CPSF3: variants seen among roughly 807,000 people sequenced by gnomAD.
CPSF3 encodes the protein cleavage and polyadenylation specific factor 3, also known as cleavage and polyadenylation specificity factor subunit 3.
Under a neutral mutation model 84.1 loss-of-function variants are expected in CPSF3, and 57 were observed. The observed-to-expected ratio is 0.68, with a 90% CI of 0.55 to 0.85. The LOEUF is 0.85. Among genes scored for constraint, CPSF3 ranks in the 40% least tolerant of loss-of-function variants. The pLI, the probability that CPSF3 is intolerant of heterozygous loss-of-function variation, is 0.00. For synonymous variants in CPSF3, 275 were observed against 278.1 expected (o/e 0.99, Z 0.11); for missense variants, 522 against 838.8 (o/e 0.62, Z 4.66).
chr2:9,462,648 G>A (rs917083995), intron 15 of CPSF3, among the ~76,000 whole-genome samples: 1 of 152,144 alleles, frequency 6.6e-6, no homozygotes, highest in East Asian at 1.9e-4. Flanking sequence ...GTCATAGGTT[G>A]GTTTGCCTTT....
chr2:9,428,187 G>A (rs1248255822), intron 1 of CPSF3, among the ~76,000 whole-genome samples: 1 of 149,380 alleles, frequency 6.7e-6, no homozygotes, highest in Non-Finnish European at 1.5e-5. Context: ...TAGTAGAGAC[G>A]GGGTTTCACC....
At chr2:9,460,155 T>A (rs1271151340) in intron 15 of CPSF3, among the ~76,000 whole-genome samples, 1 of 152,114 alleles carries the variant, frequency 6.6e-6, no homozygotes, top group East Asian at 1.9e-4. Flanking sequence ...TAAGATAAAA[T>A]CCTTTTAGAA....
chr2:9,436,820 C>T (rs1680801495), intron 7 of CPSF3, among the ~76,000 whole-genome samples: 1 of 125,116 alleles, frequency 8.0e-6, no homozygotes, highest in African/African-American at 3.0e-5. Flanking sequence ...AGGAATAGCC[C>T]AGGAAAACAG....
intron 11 of CPSF3, 24 bp downstream of exon 11, chr2:9,448,374 G>C (rs1681195242): frequency 6.4e-7 from 1 of 1,570,578 alleles, no homozygotes; most frequent in Non-Finnish European, 8.6e-7. Context: ...GTTCCTGTCT[G>C]TCCAATCCAT....
chr2:9,433,239 C>G (rs1302696918), intron 5 of CPSF3, among the ~76,000 whole-genome samples: 2 of 152,206 alleles, frequency 1.3e-5, no homozygotes, highest in African/African-American at 2.4e-5. Context: ...ACTTAGGGAG[C>G]TGCTGAAAAT....
chr2:9,439,004 A>C (rs947625431), intron 7 of CPSF3, among the ~76,000 whole-genome samples: 19 of 152,222 alleles, frequency 1.2e-4, no homozygotes, highest in Non-Finnish European at 2.1e-4. Context: ...ACGCACAACA[A>C]ACCAAGAAAT....
In CPSF3 at chr2:9,464,824, T is replaced by C. The variant is rs577543369; in HGVS notation, c.1787-2883T>C. On this transcript the variant is annotated intron_variant, in intron 15 of 17. Transcript: ENST00000238112. ...CTAGGCTAGTCTCAAATGCCTGAGC[T>C]CAAGAGATCTGCCCACCTTGGCCTC... Among the ~76,000 whole-genome samples the C allele has an allele frequency of 3.6e-3, 544 of 152,188 alleles. 4 individuals carry two copies. The highest frequency in any genetic ancestry group is 0.014 in the Middle Eastern group (4 of 294).
At chr2:9,463,825 A>C (rs150990253) in intron 15 of CPSF3, among the ~76,000 whole-genome samples, 67 of 152,324 alleles carry the variant, frequency 4.4e-4, no homozygotes, top group African/African-American at 1.5e-3. Flanking sequence ...GCACTGGTTC[A>C]TCATCTCTGA....
At chr2:9,462,174 G>A (rs1483899107) in intron 15 of CPSF3, among the ~76,000 whole-genome samples, 1 of 152,206 alleles carries the variant, frequency 6.6e-6, no homozygotes, top group African/African-American at 2.4e-5. Context: ...TTTGGGCCAC[G>A]CAGCTTTCAG....
In CPSF3 at chr2:9,423,700, G is replaced by A. The variant is rs1680200761; in HGVS notation, c.-74G>A. ...TGGGGTTCTTCCTTTTTTATTTACC[G>A]GTGGCTGTGCTTCCAATTTAGGAAG... On this transcript the variant is annotated 5_prime_UTR_variant, in exon 1 of 18. Coordinates refer to ENST00000238112, the MANE Select transcript of CPSF3 (RefSeq NM_016207.4). The A allele has an allele frequency of 5.8e-6, 9 of 1,562,670 alleles. No individual in the cohort carries two copies. The highest frequency in any genetic ancestry group is 2.7e-5 in the African/African-American group (2 of 72,936).
At chr2:9,472,006 C>CAAA (rs35342941) in intron 17 of CPSF3, among the ~76,000 whole-genome samples, 1,130 of 97,130 alleles carry the variant, frequency 0.012, 33 homozygotes, top group Middle Eastern at 0.038. Context: ...ACTCTGTCTC[C>CAAA]AAAAAAAAAA....
intron 5 of CPSF3, among the ~76,000 whole-genome samples, chr2:9,433,417 T>C (rs1051516825): frequency 6.6e-6 from 1 of 152,262 alleles, no homozygotes; most frequent in African/African-American, 2.4e-5. Context: ...AGTATATCAC[T>C]AAATCACTTA....
At chr2:9,430,498 G>T (rs1680548486) in intron 3 of CPSF3, among the ~76,000 whole-genome samples, 1 of 152,144 alleles carries the variant, frequency 6.6e-6, no homozygotes, top group Admixed American at 6.5e-5. Context: ...GTAGGCTTGG[G>T]ATATTCTTCT....
At chr2:9,468,894 G>A (rs1212374097) in intron 16 of CPSF3, among the ~76,000 whole-genome samples, 1 of 152,070 alleles carries the variant, frequency 6.6e-6, no homozygotes, top group East Asian at 1.9e-4. Context: ...CCAAAGTGCT[G>A]GGATTAGAGG....
chr2:9,443,729 A>T (rs1292661361), intron 10 of CPSF3, 68 bp downstream of exon 10: 3 of 1,553,430 alleles, frequency 1.9e-6, no homozygotes, highest in Non-Finnish European at 2.6e-6. Flanking sequence ...ACTGTGCAGC[A>T]GGCAGTTCAC....
intron 7 of CPSF3, among the ~76,000 whole-genome samples, chr2:9,437,209 G>T (rs1680814813): frequency 6.6e-6 from 1 of 152,130 alleles, no homozygotes. Flanking sequence ...TTCAAGACCA[G>T]CCTGGCCATC....
intron 6 of CPSF3, among the ~76,000 whole-genome samples, chr2:9,434,359 A>G (rs1680705402): frequency 6.6e-6 from 1 of 150,974 alleles, no homozygotes; most frequent in Non-Finnish European, 1.5e-5. Flanking sequence ...ACAAAGCAAG[A>G]CTCAGTCTCA....
chr2:9,433,813 C>A, intron 5 of CPSF3, 58 bp from the exon 6 acceptor site: 1 of 1,160,292 alleles, frequency 8.6e-7, no homozygotes, highest in Non-Finnish European at 1.3e-6. Flanking sequence ...TTAATCTATT[C>A]ACTAGCAAAA....
intron 10 of CPSF3, among the ~76,000 whole-genome samples, chr2:9,447,293 A>C (rs1184247564): frequency 6.6e-6 from 1 of 151,662 alleles, no homozygotes; most frequent in Non-Finnish European, 1.5e-5. Flanking sequence ...CACCTTGGGC[A>C]ATATGTGAGA....
Sources: allele counts gnomAD v4.1 joint callset (sites outside exome capture counted in the v4.1 genomes callset), GRCh38; gene constraint gnomAD v4.1.1; transcripts MANE v1.5; gene names NCBI Gene and HGNC (gene_info 2026-07-23, HGNC 2026-07-21).